Variants in MAOA observed in about 807,000 individuals in gnomAD.
The protein encoded by MAOA is monoamine oxidase A.
A neutral mutation model predicts 42.0 loss-of-function variants in MAOA; 6 were observed. The observed-to-expected ratio is 0.14, with a 90% confidence interval of 0.08 to 0.28. The LOEUF is 0.28. Among genes scored for constraint, MAOA ranks in the 10% least tolerant of loss-of-function variants. MAOA has a pLI of 1.00. For synonymous variants in MAOA, 140 were observed against 154.0 expected (o/e 0.91, Z 0.67); for missense variants, 262 against 422.3 (o/e 0.62, Z 3.33).
intron 1 of MAOA, among the ~76,000 whole-genome samples, chrX:43,679,440 T>A (rs1411730481): frequency 9.1e-6 from 1 of 110,020 alleles, no homozygotes; most frequent in Admixed American, 1.0e-4. Flanking sequence ...AAGACTTTGT[T>A]GTGGTCATAT....
chrX:43,740,572 A>G (rs1480218014), intron 10 of MAOA, 109 bp from the exon 11 acceptor site: 2 of 626,621 alleles, frequency 3.2e-6, no homozygotes, highest in African/African-American at 4.6e-5. Context: ...TTTATCTGTA[A>G]TAAATCTGGT....
chrX:43,676,256 G>A (rs778516433), intron 1 of MAOA, among the ~76,000 whole-genome samples: 1 of 112,149 alleles, frequency 8.9e-6, no homozygotes, highest in African/African-American at 3.2e-5. Context: ...GCCAGGTGCG[G>A]GATTTAATCT....
At chrX:43,657,767 A>G (rs1452580983) in intron 1 of MAOA, 2 of 240,019 alleles carry the variant, frequency 8.3e-6, no homozygotes, top group Non-Finnish European at 5.8e-6. Flanking sequence ...AGCCATTTTT[A>G]TATATAAATC....
Position 43,746,613 on chromosome X carries a change from C to T in MAOA, c.*2100C>T, listed in dbSNP as rs934632927. The T allele has an allele frequency of 5.4e-5, 6 of 111,899 alleles. No individual in the cohort carries two copies. The highest frequency in any genetic ancestry group is 1.1e-4 in the Non-Finnish European group (6 of 53,224). The allele number at this position is 111,899 out of a possible 1,213,427, so 9.2% of individuals were successfully genotyped here. ...TGTCCCAGTTAACTGTTAAATAAGG[C>T]CTCATCCTCCACTGAAGAGTATGGA... On this transcript the variant is annotated 3_prime_UTR_variant, in exon 15 of 15. Transcript: ENST00000338702.
intron 11 of MAOA, among the ~76,000 whole-genome samples, chrX:43,741,049 C>T (rs1156293894): frequency 9.0e-6 from 1 of 111,225 alleles, no homozygotes; most frequent in East Asian, 2.8e-4. Context: ...GAACAGAAGT[C>T]CTGCCCCCAG....
chrX:43,678,965 A>G (rs1331467595), intron 1 of MAOA, among the ~76,000 whole-genome samples: 5 of 112,016 alleles, frequency 4.5e-5, no homozygotes, highest in Non-Finnish European at 3.8e-5. Flanking sequence ...ATTAGCACCC[A>G]TTTATTCAGC....
intron 3 of MAOA, among the ~76,000 whole-genome samples, chrX:43,696,264 A>G (rs978978930): frequency 2.7e-5 from 3 of 111,619 alleles, no homozygotes; most frequent in Non-Finnish European, 3.8e-5. Flanking sequence ...AGAAAAAACA[A>G]CTTCAGCTTT....
Position 43,744,519 on chromosome X carries a change from T to C in MAOA, c.*6T>C, listed in dbSNP as rs2033985217. 7 of 1,207,023 alleles carry C rather than the reference T, an allele frequency of 5.8e-6. No homozygotes were observed. Among genetic ancestry groups the C allele is most frequent in the South Asian group, 3.5e-5 (2 of 56,662 alleles). On this transcript the variant is annotated 3_prime_UTR_variant, in exon 15 of 15. Transcript: ENST00000338702. ...AGCTCCTGCCACGGTCTTGAAGTTC[T>C]GTTCTTATGCTCTCTGCTCACTGGT...
chrX:43,683,759 G>T, intron 2 of MAOA, 152 bp downstream of exon 2: 1 of 462,963 alleles, frequency 2.2e-6, no homozygotes. Context: ...TCAAATAAGC[G>T]TCCATTCTCT....
chrX:43,681,948 C>G (rs2033447469), intron 1 of MAOA, among the ~76,000 whole-genome samples: 1 of 104,379 alleles, frequency 9.6e-6, no homozygotes, highest in African/African-American at 3.5e-5. Context: ...GTGGCACGAT[C>G]TCGGCTCACT....
intron 1 of MAOA, among the ~76,000 whole-genome samples, chrX:43,675,373 G>T: frequency 9.0e-6 from 1 of 111,494 alleles, no homozygotes; most frequent in Non-Finnish European, 1.9e-5. Flanking sequence ...TAACTTCTTT[G>T]CCTTTGGTTT....
At chrX:43,678,890 A>G (rs1344732987) in intron 1 of MAOA, among the ~76,000 whole-genome samples, 2 of 112,034 alleles carry the variant, frequency 1.8e-5, no homozygotes, top group East Asian at 5.6e-4. Context: ...ATATATTTTA[A>G]CCTTTAAGTT....
chrX:43,708,580 C>T (rs368065174), intron 3 of MAOA, among the ~76,000 whole-genome samples: 24 of 111,039 alleles, frequency 2.2e-4, no homozygotes, highest in African/African-American at 7.8e-4. Context: ...AAGCCAGAAA[C>T]TGATAGGGGT....
intron 4 of MAOA, 113 bp from the exon 5 acceptor site, chrX:43,712,592 C>T: frequency 1.9e-6 from 1 of 532,544 alleles, no homozygotes; most frequent in Middle Eastern, 3.2e-4. Context: ...ATGCCAATCA[C>T]ACATTTCAAC....
In MAOA at chrX:43,746,215, A is replaced by G. The variant is rs1326173721; in HGVS notation, c.*1702A>G. The G allele has an allele frequency of 8.9e-6, 1 of 112,663 alleles. No homozygotes were observed. The highest frequency in any genetic ancestry group is 3.2e-5 in the African/African-American group (1 of 31,029). 9.3% of individuals were successfully genotyped at this position (112,663 alleles called of 1,213,427 possible). A position where few individuals can be genotyped will look rare whatever the true frequency, so the allele number is the denominator to read the frequency against. ...CTTCTTAACTGGCAACAGTTGGAAC[A>G]GTAATCAGTTTGCTAACATATTTAA... On this transcript the variant is annotated 3_prime_UTR_variant, in exon 15 of 15. Transcript: ENST00000338702.
rs997093202 is a variant in MAOA, at chrX:43,721,988, T to C, written c.504-6185T>C. On this transcript the variant is annotated intron_variant, in intron 5 of 14. Coordinates refer to ENST00000338702, the MANE Select transcript of MAOA (RefSeq NM_000240.4). Reference sequence around the variant, plus strand: ...CTTTGCTGAGAATGATGGTTTCCAGTTTCATCCACGTCCCTGCAAAGGACA... The same window carrying C: ...CTTTGCTGAGAATGATGGTTTCCAGCTTCATCCACGTCCCTGCAAAGGACA... Among the ~76,000 whole-genome samples the C allele has an allele frequency of 5.4e-5, 6 of 111,465 alleles. No individual in the cohort carries two copies. In the Admixed American group the frequency reaches 5.7e-4, roughly 11 times the overall value.
intron 4 of MAOA, among the ~76,000 whole-genome samples, chrX:43,712,474 G>T (rs1451699689): frequency 1.8e-5 from 2 of 111,476 alleles, no homozygotes; most frequent in Non-Finnish European, 3.8e-5. Flanking sequence ...ATATAAATTT[G>T]TACATAGACA....
rs772355518 is a variant in MAOA at position 43,675,501 on chromosome X, G to T, written c.74-8012G>T. On this transcript the variant is annotated intron_variant, in intron 1 of 14. Transcript: ENST00000338702. ...GCTGGTGAGGAACTGCGTTCCTTTGGAGGAGGAGAGGCACTCTGCTTTTTA... is the reference window on the plus strand; with the variant it reads ...GCTGGTGAGGAACTGCGTTCCTTTGTAGGAGGAGAGGCACTCTGCTTTTTA... 4.1e-4 allele frequency among the ~76,000 whole-genome samples: 46 copies of T among 112,572 alleles called. No individual in the cohort carries two copies. In the South Asian group the frequency reaches 4.4e-3, roughly 11 times the overall value.
At chrX:43,710,089 G>A (rs191388650) in intron 3 of MAOA, among the ~76,000 whole-genome samples, 3 of 112,299 alleles carry the variant, frequency 2.7e-5, no homozygotes, top group African/African-American at 6.5e-5. Context: ...AGCTACTGCC[G>A]CTGGGCTTTA....
Sources: allele counts gnomAD v4.1 joint callset (sites outside exome capture counted in the v4.1 genomes callset), GRCh38; gene constraint gnomAD v4.1.1; transcripts MANE v1.5; gene names NCBI Gene and HGNC (gene_info 2026-07-23, HGNC 2026-07-21).